Variants in SNTG1 observed in about 807,000 individuals in gnomAD.
The protein encoded by SNTG1 is syntrophin gamma 1, also known as gamma-1-syntrophin.
In SNTG1, 39 loss-of-function variants were observed where a neutral mutation model predicts 74.7. The observed-to-expected ratio is 0.52, with a 90% CI of 0.40 to 0.68. The LOEUF is 0.68. Ranked by LOEUF, SNTG1 falls within the 30% of genes least tolerant of loss-of-function variation. The pLI is 0.00. For missense variants in SNTG1, 685 were observed against 609.5 expected (o/e 1.12, Z -1.30); for synonymous variants, 254 against 217.1 (o/e 1.17, Z -1.49).
chr8:50,455,353 G>A (rs1421066937), intron 8 of SNTG1, among the ~76,000 whole-genome samples: 2 of 152,140 alleles, frequency 1.3e-5, no homozygotes, highest in Non-Finnish European at 1.5e-5. Flanking sequence ...ATGTTCATCT[G>A]CTTTTTGTTT....
rs778568237 is a variant in SNTG1, at chr8:50,536,675, C to A, written c.550-3C>A. The A allele has an allele frequency of 6.2e-7, 1 of 1,613,092 alleles. No homozygotes were observed. Among genetic ancestry groups the A allele is most frequent in the Non-Finnish European group, 8.5e-7 (1 of 1,179,538 alleles). On this transcript the variant is annotated splice_polypyrimidine_tract_variant and splice_region_variant and intron_variant, in intron 10 of 18. Coordinates refer to ENST00000642720, the MANE Select transcript of SNTG1 (RefSeq NM_018967.5). The stretch of plus-strand genomic sequence containing the variant: ...TTACGTTGAATATTTATCTTCCTTT[C>A]AGGACACATTATCATGCTCGTCGTG...
intron 2 of SNTG1, among the ~76,000 whole-genome samples, chr8:50,251,038 C>T (rs1159488909): frequency 6.6e-6 from 1 of 151,596 alleles, no homozygotes; most frequent in Admixed American, 6.6e-5. Flanking sequence ...CTAAGGAACA[C>T]ATAGAAGATA....
intron 2 of SNTG1, among the ~76,000 whole-genome samples, chr8:50,244,568 A>T (rs2086306710): frequency 6.6e-6 from 1 of 152,188 alleles, no homozygotes. Flanking sequence ...TTCTAGGTTG[A>T]GCATGTTTAA....
At chr8:50,515,991 T>C (rs1255607808) in intron 9 of SNTG1, among the ~76,000 whole-genome samples, 2 of 152,052 alleles carry the variant, frequency 1.3e-5, no homozygotes, top group Non-Finnish European at 2.9e-5. Context: ...CCCCCATGCC[T>C]CCTGACTGGG....
At chr8:50,677,650 C>T (rs2095314573) in intron 15 of SNTG1, among the ~76,000 whole-genome samples, 1 of 151,808 alleles carries the variant, frequency 6.6e-6, no homozygotes, top group African/African-American at 2.4e-5. Flanking sequence ...ACTGTTTGAC[C>T]TTCCAAAACC....
chr8:49,924,980 C>G (rs970570903), intron 1 of SNTG1, among the ~76,000 whole-genome samples: 3 of 151,788 alleles, frequency 2.0e-5, no homozygotes, highest in South Asian at 2.1e-4. Context: ...TGAGACCCCC[C>G]CATCACTACA....
intron 1 of SNTG1, among the ~76,000 whole-genome samples, chr8:49,927,393 C>T (rs1269325287): frequency 6.6e-6 from 1 of 151,960 alleles, no homozygotes. Context: ...CTGGTACTTC[C>T]AGGTAAGGGA....
intron 1 of SNTG1, among the ~76,000 whole-genome samples, chr8:49,978,065 G>A (rs1812351183): frequency 6.6e-6 from 1 of 152,214 alleles, no homozygotes. Flanking sequence ...TGCCAACCCA[G>A]CTCACAACGG....
chr8:50,334,403 A>G (rs1183451174), intron 2 of SNTG1, among the ~76,000 whole-genome samples: 1 of 152,102 alleles, frequency 6.6e-6, no homozygotes, highest in East Asian at 1.9e-4. Flanking sequence ...AAAAACCATA[A>G]CAAAAGCAAG....
intron 11 of SNTG1, among the ~76,000 whole-genome samples, chr8:50,538,986 TGTC>T (rs2094327197): frequency 1.3e-5 from 2 of 152,188 alleles, no homozygotes; most frequent in African/African-American, 4.8e-5. Context: ...TTTTATTTTT[TGTC>T]GATTTATTTT....
At chr8:50,662,496 T>G (rs4242462) in intron 15 of SNTG1, among the ~76,000 whole-genome samples, 84,317 of 152,082 alleles carry the variant, frequency 0.55, 25,440 homozygotes, top group East Asian at 0.68. Flanking sequence ...TTTAGAGATT[T>G]GGAAACTGAG....
rs542131776 is a variant in SNTG1, at chr8:50,099,408, G to A, written c.-102-73153G>A. Among the ~76,000 whole-genome samples, 10 of 152,172 alleles carry A rather than the reference G, an allele frequency of 6.6e-5. No homozygotes were observed. The South Asian group carries it at 2.1e-3, about 32-fold the overall frequency. ...ATTAGAAAGGAGGATCTTCAAAATT[G>A]ACATATTCCCATTATCTTAGCAATT... On this transcript the variant is annotated intron_variant, in intron 1 of 18. Coordinates refer to ENST00000642720, the MANE Select transcript of SNTG1 (RefSeq NM_018967.5).
chr8:50,562,595 A>G, intron 12 of SNTG1, among the ~76,000 whole-genome samples: 1 of 152,192 alleles, frequency 6.6e-6, no homozygotes, highest in East Asian at 1.9e-4. Context: ...CAGTATGATA[A>G]TATATAAATG....
chr8:50,733,772 G>A (rs181050248), intron 17 of SNTG1, among the ~76,000 whole-genome samples: 11 of 151,732 alleles, frequency 7.2e-5, no homozygotes, highest in Admixed American at 4.6e-4. Context: ...TTTTTTAATG[G>A]AGTTTTTTCT....
chr8:50,214,177 A>T (rs1331630211), intron 2 of SNTG1, among the ~76,000 whole-genome samples: 1 of 147,254 alleles, frequency 6.8e-6, no homozygotes, highest in Non-Finnish European at 1.5e-5. Context: ...CAAACACCGC[A>T]TATTCTCACT....
chr8:50,089,836 G>A (rs892829212), intron 1 of SNTG1, among the ~76,000 whole-genome samples: 5 of 152,128 alleles, frequency 3.3e-5, no homozygotes, highest in Admixed American at 2.0e-4. Context: ...AACCATTGTG[G>A]AAGTCAGTGT....
chr8:50,709,263 A>C, intron 17 of SNTG1: 2 of 390,530 alleles, frequency 5.1e-6, no homozygotes, highest in African/African-American at 2.1e-5. Flanking sequence ...TTTTAAAGAT[A>C]TGACTTTATA....
chr8:50,694,041 C>T (rs773550984), intron 15 of SNTG1, among the ~76,000 whole-genome samples: 5 of 151,666 alleles, frequency 3.3e-5, no homozygotes, highest in African/African-American at 9.7e-5. Flanking sequence ...AATGTTACAC[C>T]TCAAGAAATT....
At chr8:50,484,102 C>CTCTTCCTT (rs2093763937) in intron 8 of SNTG1, among the ~76,000 whole-genome samples, 1 of 110,848 alleles carries the variant, frequency 9.0e-6, no homozygotes, top group Non-Finnish European at 1.8e-5. Flanking sequence ...CTTTCTTTCT[C>CTCTTCCTT]TCTTTCTTTC....
Sources: allele counts gnomAD v4.1 joint callset (sites outside exome capture counted in the v4.1 genomes callset), GRCh38; gene constraint gnomAD v4.1.1; transcripts MANE v1.5; gene names NCBI Gene and HGNC (gene_info 2026-07-23, HGNC 2026-07-21).